EPG5: variants seen among roughly 807,000 people sequenced by gnomAD.
EPG5 encodes ectopic P-granules 5 autophagy tethering factor, also known as ectopic P granules protein 5 homolog.
In EPG5, 159 loss-of-function variants were observed where a neutral mutation model predicts 302.7. The observed-to-expected ratio is 0.53, with a 90% CI of 0.46 to 0.60. The LOEUF (loss-of-function observed/expected upper bound fraction) is 0.60. Ranked by LOEUF, EPG5 falls within the 20% of genes least tolerant of loss-of-function variation. EPG5 has a pLI of 0.00. For missense variants in EPG5, 2,896 were observed against 3,092.4 expected, an observed-to-expected ratio of 0.94 and a Z score of 1.51; for synonymous variants, 1,158 against 1,136.8, an observed-to-expected ratio of 1.02 and a Z score of -0.37.
At chr18:45,929,869 GT>G (rs914370458) in intron 12 of EPG5, among the ~76,000 whole-genome samples, 5 of 152,180 alleles carry the variant, frequency 3.3e-5, no homozygotes, top group Admixed American at 6.5e-5. Flanking sequence ...GAACATCCAG[GT>G]TTGTCATTCT....
chr18:45,908,018 G>C lies in EPG5; in HGVS notation c.4269C>G (p.Ile1423Met). The change falls in exon 24 of 44, where the codon ATC becomes ATG. Residue 1423 changes from isoleucine (I) to methionine (M), a missense_variant. This residue lies in a region of EPG5 where 790 missense variants were observed against 798.0 expected (regional missense o/e 0.99). Transcript: ENST00000282041. ...DENFQKGDTY[I>M]PSLPKHYDIH... Reference sequence around the variant, plus strand: ...TATCATAATGCTTTGGTAGAGAAGGGATATAGGTATCTCCTTTTTGAAAAT... The same window carrying C: ...TATCATAATGCTTTGGTAGAGAAGGCATATAGGTATCTCCTTTTTGAAAAT... 1 of 1,599,470 alleles carries C rather than the reference G, an allele frequency of 6.3e-7. No individual in the cohort carries two copies. Among genetic ancestry groups the C allele is most frequent in the Non-Finnish European group, 8.5e-7 (1 of 1,174,502 alleles).
intron 1 of EPG5, among the ~76,000 whole-genome samples, chr18:45,957,114 G>A (rs1368592113): frequency 6.6e-6 from 1 of 151,956 alleles, no homozygotes; most frequent in Non-Finnish European, 1.5e-5. Context: ...ACAAGCTCTT[G>A]GTTATTTTGG....
chr18:45,923,516 C>A, intron 14 of EPG5, 129 bp from the exon 15 acceptor site: 1 of 935,972 alleles, frequency 1.1e-6, no homozygotes, highest in East Asian at 2.7e-5. Context: ...TTCCAAAAAT[C>A]ACATCCCACA....
the EPG5 span, among the ~76,000 whole-genome samples, chr18:45,806,342 G>T: frequency 8.3e-4 from 127 of 152,136 alleles, 1 homozygote; most frequent in Non-Finnish European, 4.3e-4. Context: ...ATGGTGGGCG[G>T]GAGGCAGGAC....
At chr18:45,908,276 A>C (rs1568142730) in intron 23 of EPG5, among the ~76,000 whole-genome samples, 195 bp from the exon 24 acceptor site, 1 of 152,166 alleles carries the variant, frequency 6.6e-6, no homozygotes, top group South Asian at 2.1e-4. Context: ...GATTATTCAA[A>C]TATGATGCGA....
intron 24 of EPG5, among the ~76,000 whole-genome samples, chr18:45,904,790 C>T (rs1019772588): frequency 2.0e-5 from 3 of 152,010 alleles, no homozygotes; most frequent in Admixed American, 2.0e-4. Context: ...TGAACATTGA[C>T]TAAATATTTG....
chr18:45,836,928 G>C, the EPG5 span: 3 of 725,030 alleles, frequency 4.1e-6, no homozygotes, highest in Non-Finnish European at 7.7e-6. Context: ...GATCCTGAAC[G>C]CTGGCTTGGC....
intron 35 of EPG5, among the ~76,000 whole-genome samples, chr18:45,875,141 T>C (rs2048943623): frequency 6.6e-6 from 1 of 152,184 alleles, no homozygotes; most frequent in Admixed American, 6.5e-5. Flanking sequence ...AGAAGTTAAG[T>C]AGTTCCAATT....
At chr18:45,912,490 A>C in intron 21 of EPG5, 34 bp from the exon 22 acceptor site, 2 of 1,566,564 alleles carry the variant, frequency 1.3e-6, no homozygotes, top group African/African-American at 2.8e-5. Flanking sequence ...GTAGCCACAA[A>C]ATGAACATAA....
chr18:45,887,168 A>AC (rs1262803253), intron 29 of EPG5, among the ~76,000 whole-genome samples: 1 of 152,206 alleles, frequency 6.6e-6, no homozygotes, highest in East Asian at 1.9e-4. Context: ...CTGTATGATT[A>AC]CCCTTACCCT....
At chr18:45,920,980 GC>G (rs1394202574) in intron 16 of EPG5, among the ~76,000 whole-genome samples, 2 of 152,090 alleles carry the variant, frequency 1.3e-5, no homozygotes, top group Admixed American at 6.5e-5. Context: ...TAGAGAACTG[GC>G]CCCCAGCCCA....
intron 25 of EPG5, among the ~76,000 whole-genome samples, chr18:45,901,877 C>T (rs1357184015): frequency 6.6e-6 from 1 of 152,064 alleles, no homozygotes; most frequent in Non-Finnish European, 1.5e-5. Context: ...ATGTTTGATA[C>T]TTCTAGACTT....
At chr18:45,927,591 TATACACACACAC>T (rs1169315610) in intron 13 of EPG5, among the ~76,000 whole-genome samples, 991 of 75,618 alleles carry the variant, frequency 0.013, 8 homozygotes, top group African/African-American at 0.036. Flanking sequence ...AACAAAAAGT[TATACACACACAC>T]ACACACACAC....
chr18:45,824,066 T>C, the EPG5 span, among the ~76,000 whole-genome samples: 1 of 151,870 alleles, frequency 6.6e-6, no homozygotes. Context: ...TGAAAATGGG[T>C]TGGGAAGACC....
intron 10 of EPG5, among the ~76,000 whole-genome samples, chr18:45,936,635 G>A (rs1028908229): frequency 6.6e-6 from 1 of 151,090 alleles, no homozygotes; most frequent in Non-Finnish European, 1.5e-5. Flanking sequence ...GGCTGAGGCA[G>A]GAGAATCACT....
At chr18:45,865,006 C>T (rs1053547781) in intron 39 of EPG5, among the ~76,000 whole-genome samples, 3 of 152,142 alleles carry the variant, frequency 2.0e-5, no homozygotes, top group Non-Finnish European at 2.9e-5. Flanking sequence ...CTTAGGCAGG[C>T]CCTGGGCTTT....
At chr18:45,939,554 GT>G in intron 10 of EPG5, 45 bp downstream of exon 10, 1 of 1,583,236 alleles carries the variant, frequency 6.3e-7, no homozygotes, top group Non-Finnish European at 8.7e-7. Context: ...GTTCTTACTA[GT>G]GAGGAAGTTA....
the EPG5 span, among the ~76,000 whole-genome samples, chr18:45,826,708 T>C: frequency 2.0e-5 from 3 of 152,186 alleles, no homozygotes; most frequent in African/African-American, 7.2e-5. Flanking sequence ...CAACATTCCC[T>C]GTATGGGGTC....
chr18:45,841,339 A>G, the EPG5 span, among the ~76,000 whole-genome samples: 2 of 152,052 alleles, frequency 1.3e-5, no homozygotes, highest in Non-Finnish European at 2.9e-5. Context: ...CCGGGAGAGG[A>G]AAAGGCAAGT....
Sources: allele counts gnomAD v4.1 joint callset (sites outside exome capture counted in the v4.1 genomes callset), GRCh38; gene constraint gnomAD v4.1.1; regional missense constraint gnomAD v4.1.1; transcripts MANE v1.5; gene names NCBI Gene and HGNC (gene_info 2026-07-23, HGNC 2026-07-21).